The following NFIX variants were observed in gnomAD, a reference collection of about 807,000 sequenced individuals.
The protein encoded by NFIX is nuclear factor 1 X-type.
NFIX carries 2 observed loss-of-function variants against 53.3 expected under a neutral mutation model. That is an observed-to-expected ratio of 0.04 (90% CI 0.02 to 0.12). NFIX has a LOEUF of 0.12. Ranked by LOEUF, NFIX falls within the 10% of genes least tolerant of loss-of-function variation. The pLI is 1.00. For synonymous variants in NFIX, 244 were observed against 289.0 expected (o/e 0.84, Z 1.58); for missense variants, 310 against 674.5 (o/e 0.46, Z 5.99).
At position 13,078,706 on chromosome 19, in the gene NFIX, C is replaced by A. The variant is rs1223309498; in HGVS notation, c.1049C>A (p.Pro350Gln). Residue 350 changes from proline (P) to glutamine (Q), a missense_variant, in exon 7 of 11, where the codon CCG becomes CAG. Transcript: ENST00000592199. This position sits in a 1 kb window ranked among gnomAD's most constrained non-coding sequence, Gnocchi z 4.7. ...CCGCGCATGGCTTTCACCCACCACC[C>A]GCTGCCTGTGCTTGCTGGAGTCAGA... ...SSPRMAFTHHPLPVLAGVRPG... is the reference protein window; with the variant it reads ...SSPRMAFTHHQLPVLAGVRPG... 6 of 1,600,256 alleles carry A rather than the reference C, an allele frequency of 3.7e-6. No individual in the cohort carries two copies. Among genetic ancestry groups the A allele is most frequent in the Non-Finnish European group, 5.1e-6 (6 of 1,173,818 alleles).
chr19:13,089,300 G>A lies in NFIX; in HGVS notation c.1403-999G>A, dbSNP rs2017995164. Among the ~76,000 whole-genome samples, 1 of 152,140 alleles carries A rather than the reference G, an allele frequency of 6.6e-6. No individual in the cohort carries two copies. The highest frequency in any genetic ancestry group is 2.4e-5 in the African/African-American group (1 of 41,430). ...TGTGTCTGGTGCAGGGCAGCGGCGG[G>A]CCTTCCAGGTAACCTGTGACACTCC... On this transcript the variant is annotated intron_variant, in intron 9 of 10. Transcript: ENST00000592199. This position sits in a 1 kb window ranked among gnomAD's most constrained non-coding sequence, Gnocchi z 4.8.
chr19:13,067,048 C>T lies in NFIX; in HGVS notation c.560-5999C>T, dbSNP rs1055520078. ...TTTCAGGAGGCACAATAGTTACATT[C>T]TCCAGCTCTGATTGCTACAGGCAGG... On this transcript the variant is annotated intron_variant, in intron 2 of 10. Coordinates refer to ENST00000592199, the MANE Select transcript of NFIX (RefSeq NM_001365902.3). This position sits in a 1 kb window ranked among gnomAD's most constrained non-coding sequence, Gnocchi z 4.2. Among the ~76,000 whole-genome samples, 5 of 152,228 alleles carry T rather than the reference C, an allele frequency of 3.3e-5. No homozygotes were observed. Among genetic ancestry groups the T allele is most frequent in the African/African-American group, 1.2e-4 (5 of 41,452 alleles).
At chr19:13,080,575 A>T (rs1183058309) in intron 7 of NFIX, among the ~76,000 whole-genome samples, 1 of 150,528 alleles carries the variant, frequency 6.6e-6, no homozygotes, top group East Asian at 2.1e-4. Flanking sequence ...ACAGTGGCTC[A>T]TGCTTGTAAT....
At position 13,053,149 on chromosome 19, in the gene NFIX, G is replaced by A. The variant is rs148988672; in HGVS notation, c.560-19898G>A. Among the ~76,000 whole-genome samples the A allele has an allele frequency of 2.7e-3, 408 of 152,324 alleles. 3 individuals are homozygous for A. Among genetic ancestry groups the A allele is most frequent in the African/African-American group, 9.2e-3 (383 of 41,572 alleles). On this transcript the variant is annotated intron_variant, in intron 2 of 10. Coordinates refer to ENST00000592199, the MANE Select transcript of NFIX (RefSeq NM_001365902.3). ...CAGGGCCTGGTGTGCTGGGTGGTTT[G>A]ACAGTGTTTTGTGGGGGTCTTTCCT...
chr19:13,024,735 A>G (rs1285376671), intron 1 of NFIX: 5 of 1,477,306 alleles, frequency 3.4e-6, no homozygotes, highest in African/African-American at 1.4e-5. Flanking sequence ...TGAGTGAGGG[A>G]GAGAGAGAGA....
At chr19:13,010,194 C>G (rs958589672) in intron 1 of NFIX, among the ~76,000 whole-genome samples, 1 of 152,236 alleles carries the variant, frequency 6.6e-6, no homozygotes, top group African/African-American at 2.4e-5. Flanking sequence ...CTTGGCCTGC[C>G]GGGCGGGCGG....
rs781493037 is a variant in NFIX at position 13,081,881 on chromosome 19, C to G, written c.1254+26C>G. On this transcript the variant is annotated intron_variant, in intron 8 of 10. Transcript: ENST00000592199. The surrounding 1 kb of genome is among the most constrained non-coding windows in gnomAD (Gnocchi z 4.7). ...GTGAGTCCAGAGGGCCCCAGGAGCC[C>G]GGCTACAGCCTCATCTCCACATCTA... 9 of 1,610,962 alleles carry G rather than the reference C, an allele frequency of 5.6e-6. No individual in the cohort carries two copies. Among genetic ancestry groups the G allele is most frequent in the Non-Finnish European group, 7.6e-6 (9 of 1,178,440 alleles).
rs368068191 is a variant in NFIX at position 13,036,214 on chromosome 19, G to T, written c.559+10662G>T. The stretch of plus-strand genomic sequence containing the variant: ...TAGGAAGGCGAGGGCTCTCCTTCGT[G>T]TGGAGTAGACCCTTCGCCAACTGGC... On this transcript the variant is annotated intron_variant, in intron 2 of 10. Coordinates refer to ENST00000592199, the MANE Select transcript of NFIX (RefSeq NM_001365902.3). This position sits in a 1 kb window ranked among gnomAD's most constrained non-coding sequence, Gnocchi z 4.7. Among the ~76,000 whole-genome samples the T allele has an allele frequency of 1.5e-4, 23 of 152,354 alleles. No individual in the cohort carries two copies. In the East Asian group the frequency reaches 4.0e-3, roughly 27 times the overall value.
At chr19:13,056,202 G>A (rs1239044802) in intron 2 of NFIX, among the ~76,000 whole-genome samples, 1 of 152,152 alleles carries the variant, frequency 6.6e-6, no homozygotes, top group African/African-American at 2.4e-5. Context: ...GGGGAGGAGC[G>A]GGCTTTGCAC....
At chr19:13,092,409 CT>C (rs780127797) in intron 10 of NFIX, among the ~76,000 whole-genome samples, 9 of 152,170 alleles carry the variant, frequency 5.9e-5, no homozygotes, top group East Asian at 3.9e-4. Flanking sequence ...GCCTTTGTCC[CT>C]AACTCCAGAC....
intron 2 of NFIX, among the ~76,000 whole-genome samples, chr19:13,063,967 G>A (rs2016246635): frequency 6.6e-6 from 1 of 152,160 alleles, no homozygotes; most frequent in Non-Finnish European, 1.5e-5. Context: ...TGTCTGGCCA[G>A]CCTGTCCTGT....
rs537501953 is a variant in NFIX at position 13,096,597 on chromosome 19, G to A, written c.*1948G>A. On this transcript the variant is annotated 3_prime_UTR_variant, in exon 11 of 11. Transcript: ENST00000592199. Reference sequence around the variant, plus strand: ...CCGGGGCGTGGGGAGTAAGGCCCCGGGGGTGGGGGGCCGGGTGGGCCGGGC... The same window carrying A: ...CCGGGGCGTGGGGAGTAAGGCCCCGAGGGTGGGGGGCCGGGTGGGCCGGGC... 1 of 152,560 alleles carries A rather than the reference G, an allele frequency of 6.6e-6. No individual in the cohort carries two copies. The highest frequency in any genetic ancestry group is 2.1e-4 in the South Asian group (1 of 4,830). The allele number at this position is 152,560 out of a possible 1,614,324, so 9.5% of individuals were successfully genotyped here. A position where few individuals can be genotyped will look rare whatever the true frequency, so the allele number is the denominator to read the frequency against.
In NFIX at chr19:13,073,628, T is replaced by C; in HGVS notation, c.697+132T>C. ...GATGCTTTCTGGGACACTCTCGGCT[T>C]CACTGGTGCTGGGCTGGGTACAATA... On this transcript the variant is annotated intron_variant, in intron 4 of 10. Transcript: ENST00000592199. This position sits in a 1 kb window ranked among gnomAD's most constrained non-coding sequence, Gnocchi z 4.5. 1 of 861,794 alleles carries C rather than the reference T, an allele frequency of 1.2e-6. No homozygotes were observed. The highest frequency in any genetic ancestry group is 1.9e-6 in the Non-Finnish European group (1 of 525,492). The allele number at this position is 861,794 out of a possible 1,614,324, so 53.4% of individuals were successfully genotyped here. A position where few individuals can be genotyped will look rare whatever the true frequency, so the allele number is the denominator to read the frequency against.
At chr19:13,070,930 G>A (rs374482114) in intron 2 of NFIX, 1 of 152,308 alleles carries the variant, frequency 6.6e-6, no homozygotes, top group Non-Finnish European at 1.5e-5. Flanking sequence ...GGCTGGGTAC[G>A]CGCATGCGCA....
At chr19:13,092,111 G>A (rs1190088895) in intron 10 of NFIX, among the ~76,000 whole-genome samples, 1 of 152,176 alleles carries the variant, frequency 6.6e-6, no homozygotes, top group African/African-American at 2.4e-5. Context: ...GCAGGCGGCT[G>A]CAACGGGCGG....
chr19:13,030,631 C>T (rs1339822156), intron 2 of NFIX, among the ~76,000 whole-genome samples: 1 of 145,700 alleles, frequency 6.9e-6, no homozygotes, highest in African/African-American at 2.8e-5. Context: ...TTTCACATGG[C>T]TCCTAGTGCC....
chr19:13,010,008 C>A (rs1413783205), intron 1 of NFIX, among the ~76,000 whole-genome samples: 1 of 152,158 alleles, frequency 6.6e-6, no homozygotes, highest in Non-Finnish European at 1.5e-5. Context: ...GCCCCCTGGC[C>A]CAGGCAGGCC....
rs972899673 is a variant in NFIX at position 13,027,092 on chromosome 19, C to T, written c.559+1540C>T. ...AGCCCTGAGTTTACATGTTGGAGAA[C>T]TGTGGAGAGGAGAAGGTGGTATTGG... On this transcript the variant is annotated intron_variant, in intron 2 of 10. Coordinates refer to ENST00000592199, the MANE Select transcript of NFIX (RefSeq NM_001365902.3). This position sits in a 1 kb window ranked among gnomAD's most constrained non-coding sequence, Gnocchi z 4.3. 6.6e-5 allele frequency among the ~76,000 whole-genome samples: 10 copies of T among 152,110 alleles called. No individual in the cohort carries two copies. The highest frequency in any genetic ancestry group is 2.4e-4 in the African/African-American group (10 of 41,418).
chr19:13,016,100 CCTAA>C (rs1373545518), intron 1 of NFIX, among the ~76,000 whole-genome samples: 1 of 152,002 alleles, frequency 6.6e-6, no homozygotes, highest in African/African-American at 2.4e-5. Context: ...TATCAAGCGG[CCTAA>C]CTTACAGTGT....
Sources: gnomAD v4.1 joint callset for allele counts (sites outside exome capture counted in the v4.1 genomes callset) on GRCh38, gnomAD v4.1.1 for gene constraint, Gnocchi (gnomAD v3.1) non-coding constraint, MANE v1.5 for transcripts, NCBI Gene and HGNC (gene_info 2026-07-23, HGNC 2026-07-21) for gene names.